The following GMIP variants were observed in gnomAD, a reference collection of about 807,000 sequenced individuals.
GMIP encodes the protein GEM interacting protein.
GMIP carries 54 observed loss-of-function variants against 105.3 expected under a neutral mutation model. The ratio of observed to expected loss-of-function variants is 0.51; its 90% CI spans 0.41 to 0.64. The LOEUF (loss-of-function observed/expected upper bound fraction) is 0.64. Among genes scored for constraint, GMIP ranks in the 30% least tolerant of loss-of-function variants. GMIP has a pLI of 0.00. For missense variants in GMIP, 1,110 were observed against 1,319.4 expected, an observed-to-expected ratio of 0.84 and a Z score of 2.46; for synonymous variants, 541 against 560.8, an observed-to-expected ratio of 0.96 and a Z score of 0.50.
In GMIP at chr19:19,638,497, G is replaced by A; in HGVS notation, c.538-15C>T. The A allele has an allele frequency of 6.2e-7, 1 of 1,610,972 alleles. No individual in the cohort carries two copies. Among genetic ancestry groups the A allele is most frequent in the East Asian group, 2.2e-5 (1 of 44,810 alleles). On this transcript the variant is annotated splice_polypyrimidine_tract_variant and intron_variant, in intron 7 of 20. Transcript: ENST00000203556. ...GCGGCGAGGGGCTGGCAAGGGTTGGGGATGGGGATGGAGACGCTGCCTTAG... is the reference window on the plus strand; with the variant it reads ...GCGGCGAGGGGCTGGCAAGGGTTGGAGATGGGGATGGAGACGCTGCCTTAG...
chr19:19,633,643 C>T (rs7248200), intron 19 of GMIP, among the ~76,000 whole-genome samples, 160 bp downstream of exon 19: 74,236 of 151,970 alleles, frequency 0.49, 18,318 homozygotes, highest in African/African-American at 0.52. Flanking sequence ...CTGCCCACTG[C>T]TCATTCCTCA....
At chr19:19,638,520 T>C (rs772839571) in intron 7 of GMIP, 38 bp from the exon 8 acceptor site, 2 of 1,564,650 alleles carry the variant, frequency 1.3e-6, no homozygotes, top group Admixed American at 1.7e-5. Flanking sequence ...GACGCTGCCT[T>C]AGGGCCAACC....
rs573265876 is a variant in GMIP, at chr19:19,635,404, C to G, written c.1560+11G>C. 5.0e-6 allele frequency: 8 copies of G among 1,607,470 alleles called. No homozygotes were observed. In the East Asian group the frequency reaches 1.3e-4, roughly 27 times the overall value. ...CAGCAAAGGTCATTTGGTCATTAAC[C>G]CAGGCCACACCTCCTCACACTCCGT... is the stretch of plus-strand genomic sequence containing the variant. On this transcript the variant is annotated intron_variant, in intron 15 of 20. Transcript: ENST00000203556. This position sits in a 1 kb window ranked among gnomAD's most constrained non-coding sequence, Gnocchi z 4.7.
Position 19,634,289 on chromosome 19 carries a change from C to A in GMIP, c.2085-99G>T. On this transcript the variant is annotated intron_variant, in intron 18 of 20. Transcript: ENST00000203556. The surrounding 1 kb of genome is among the most constrained non-coding windows in gnomAD (Gnocchi z 6.1). ...GCAGGCCAGCCTAGAGGTGACTTGCCCATGTCACAGGTGTAAGTCGTCTGA... is the reference window on the plus strand; with the variant it reads ...GCAGGCCAGCCTAGAGGTGACTTGCACATGTCACAGGTGTAAGTCGTCTGA... The A allele has an allele frequency of 7.7e-7, 1 of 1,298,780 alleles. No homozygotes were observed. Among genetic ancestry groups the A allele is most frequent in the South Asian group, 1.5e-5 (1 of 68,698 alleles). The allele number at this position is 1,298,780 out of a possible 1,614,324, so 80.5% of individuals were successfully genotyped here.
At position 19,636,709 on chromosome 19, in the gene GMIP, G is replaced by A. The variant is rs749668162; in HGVS notation, c.1325C>T (p.Pro442Leu). 6.2e-7 allele frequency: 1 copy of A among 1,610,550 alleles called. No individual in the cohort carries two copies. The highest frequency in any genetic ancestry group is 1.1e-5 in the South Asian group (1 of 91,000). ...TCAGGACCAGGTCCTATCCCTACCT[G>A]GGCTGGAAGTGGGTGAGTCCAGGGA... ...SRSLDSPTSS[P>L]GAGTRQLVKA... Residue 442 changes from proline to leucine, a missense_variant and splice_region_variant, in exon 13 of 21, where the codon CCA becomes CTA. Pro to Leu is a moderately conservative substitution (Grantham distance 98, BLOSUM62 -3). Coordinates refer to ENST00000203556, the MANE Select transcript of GMIP (RefSeq NM_016573.4).
Position 19,635,180 on chromosome 19 carries a change from T to C in GMIP, c.1594A>G (p.Thr532Ala). Residue 532 changes from threonine (T) to alanine (A), a missense_variant, in exon 16 of 21, where the codon ACT becomes GCT. Physicochemically the swap from Thr to Ala is moderately conservative, Grantham distance 58 (BLOSUM62 0). Coordinates refer to ENST00000203556, the MANE Select transcript of GMIP (RefSeq NM_016573.4). This position sits in a 1 kb window ranked among gnomAD's most constrained non-coding sequence, Gnocchi z 4.7. ...FLTCHKRCLE[T>A]LLILCGHRRL... ...CTGTGTCCACAGAGGATCAGGAGAG[T>C]CTCCAGGCAGCGCTTGTGGCAGGTC... The C allele has an allele frequency of 1.2e-6, 2 of 1,612,894 alleles. No individual in the cohort carries two copies. The highest frequency in any genetic ancestry group is 1.7e-6 in the Non-Finnish European group (2 of 1,179,592).
chr19:19,635,767 C>T lies in GMIP; in HGVS notation c.1328-46G>A. On this transcript the variant is annotated intron_variant, in intron 13 of 20. Transcript: ENST00000203556. The surrounding 1 kb of genome is among the most constrained non-coding windows in gnomAD (Gnocchi z 4.7). ...GGAGATTCCTGGGCTATGGGAGGCA[C>T]TCCTGGTTTTTAGGGCTTCCAGAAC... 2 of 1,537,366 alleles carry T rather than the reference C, an allele frequency of 1.3e-6. No individual in the cohort carries two copies. Among genetic ancestry groups the T allele is most frequent in the Non-Finnish European group, 1.8e-6 (2 of 1,111,176 alleles).
In GMIP at chr19:19,638,032, T is replaced by C. The variant is rs1252953908; in HGVS notation, c.815A>G (p.Gln272Arg). Reference sequence around the variant, plus strand: ...CGCGTTGGCCTCGCGGACACAGGCCTGGTACAGCGCCTCGGCCTCCTGCGC... The same window carrying C: ...CGCGTTGGCCTCGCGGACACAGGCCCGGTACAGCGCCTCGGCCTCCTGCGC... ...AKAQEAEALY[Q>R]ACVREANARQ... The change falls in exon 10 of 21, where the codon CAG becomes CGG. Residue 272 changes from glutamine (Q) to arginine (R), a missense_variant. Transcript: ENST00000203556. 1.3e-6 allele frequency: 2 copies of C among 1,595,144 alleles called. No individual in the cohort carries two copies. Among genetic ancestry groups the C allele is most frequent in the Non-Finnish European group, 8.5e-7 (1 of 1,171,676 alleles).
In GMIP at chr19:19,637,581, G is replaced by A. The variant is rs1376563388; in HGVS notation, c.928-20C>T. On this transcript the variant is annotated intron_variant, in intron 10 of 20. Coordinates refer to ENST00000203556, the MANE Select transcript of GMIP (RefSeq NM_016573.4). The surrounding 1 kb of genome is among the most constrained non-coding windows in gnomAD (Gnocchi z 6.7). ...CGTCACCTGCCGGGTGGAGACAGCA[G>A]GTTGGGGAGGGGCGGAGCCTGGGAG... is the stretch of plus-strand genomic sequence containing the variant. The A allele has an allele frequency of 6.7e-7, 1 of 1,496,214 alleles. No individual in the cohort carries two copies. 92.7% of individuals were successfully genotyped at this position (1,496,214 alleles called of 1,614,324 possible).
At position 19,638,502 on chromosome 19, in the gene GMIP, G is replaced by A. The variant is rs1176762253; in HGVS notation, c.538-20C>T. On this transcript the variant is annotated intron_variant, in intron 7 of 20. Coordinates refer to ENST00000203556, the MANE Select transcript of GMIP (RefSeq NM_016573.4). ...GAGGGGCTGGCAAGGGTTGGGGATG[G>A]GGATGGAGACGCTGCCTTAGGGCCA... 6.2e-7 allele frequency: 1 copy of A among 1,609,676 alleles called. No individual in the cohort carries two copies. The highest frequency in any genetic ancestry group is 1.1e-5 in the South Asian group (1 of 90,764).
intron 19 of GMIP, among the ~76,000 whole-genome samples, chr19:19,632,234 C>T (rs1242469004): frequency 3.9e-5 from 6 of 152,072 alleles, no homozygotes; most frequent in African/African-American, 7.2e-5. Flanking sequence ...GTGGAGGTTA[C>T]GGTGAACAGA....
chr19:19,635,675 C>T lies in GMIP; in HGVS notation c.1374G>A (p.Glu458=). Residue 458 remains glutamate, a synonymous_variant, in exon 14 of 21, where the codon GAG becomes GAA. Coordinates refer to ENST00000203556, the MANE Select transcript of GMIP (RefSeq NM_016573.4). The surrounding 1 kb of genome is among the most constrained non-coding windows in gnomAD (Gnocchi z 4.7). ...CTCGCTCCTCAAAGTCATCTGAGGA[C>T]TCAGTGCCTGTGGACGAAGCCTTCA... ...QLVKASSTGT[E]SSDDFEERDP... 6 of 1,614,128 alleles carry T rather than the reference C, an allele frequency of 3.7e-6. No individual in the cohort carries two copies. Among genetic ancestry groups the T allele is most frequent in the Non-Finnish European group, 5.1e-6 (6 of 1,179,966 alleles).
Position 19,635,478 on chromosome 19 carries a change from C to G in GMIP, c.1497G>C (p.Leu499=). The G allele has an allele frequency of 6.2e-7, 1 of 1,610,852 alleles. No homozygotes were observed. Residue 499 remains leucine (L), a synonymous_variant, in exon 15 of 21, where the codon CTG becomes CTC. Transcript: ENST00000203556. The surrounding 1 kb of genome is among the most constrained non-coding windows in gnomAD (Gnocchi z 4.7). ...SAAQTHQLRR[L]RGPAKCRECE... Reference sequence around the variant, plus strand: ...ACTCGCGGCACTTGGCTGGGCCCCGCAGTCGCCGCAGCTGGTGGGTCTGAG... The same window carrying G: ...ACTCGCGGCACTTGGCTGGGCCCCGGAGTCGCCGCAGCTGGTGGGTCTGAG...
intron 19 of GMIP, among the ~76,000 whole-genome samples, chr19:19,633,577 G>A (rs914947259): frequency 3.3e-5 from 5 of 152,204 alleles, no homozygotes; most frequent in African/African-American, 1.2e-4. Context: ...TTGGAGGAAT[G>A]AATGATCACC....
In GMIP at chr19:19,638,217, G is replaced by C; in HGVS notation, c.731C>G (p.Pro244Arg). 6.3e-7 allele frequency: 1 copy of C among 1,598,272 alleles called. No homozygotes were observed. The highest frequency in any genetic ancestry group is 8.5e-7 in the Non-Finnish European group (1 of 1,178,300). ...SPEDSAPQASPGPSKQQERRR... is the reference protein window; with the variant it reads ...SPEDSAPQASRGPSKQQERRR... ...CCGCTCCTGCTGCTTGCTAGGTCCC[G>C]GCGAGGCCTGGGGGGCCGAGTCCTC... The change falls in exon 9 of 21, where the codon CCG (proline) becomes CGG (arginine). Residue 244 changes from proline to arginine, a missense_variant. Coordinates refer to ENST00000203556, the MANE Select transcript of GMIP (RefSeq NM_016573.4).
At chr19:19,642,669 C>A in intron 1 of GMIP, 50 bp from the exon 2 acceptor site, 1 of 861,390 alleles carries the variant, frequency 1.2e-6, no homozygotes, top group Admixed American at 1.9e-5. Flanking sequence ...TCCCTCCACC[C>A]ACGGCACCTC....
Position 19,643,649 on chromosome 19 carries a change from C to T in GMIP, c.-120G>A. 1 of 854,628 alleles carries T rather than the reference C, an allele frequency of 1.2e-6. No homozygotes were observed. The highest frequency in any genetic ancestry group is 1.7e-6 in the Non-Finnish European group (1 of 575,758). The allele number at this position is 854,628 out of a possible 1,614,324, so 52.9% of individuals were successfully genotyped here. A position where few individuals can be genotyped will look rare whatever the true frequency, so the allele number is the denominator to read the frequency against. On this transcript the variant is annotated 5_prime_UTR_variant, in exon 1 of 21. Coordinates refer to ENST00000203556, the MANE Select transcript of GMIP (RefSeq NM_016573.4). The stretch of plus-strand genomic sequence containing the variant: ...GCCGCCGCCTCGGTTCCGCGTCGCC[C>T]TGCCCAGCGGAGGCCACGCCCCCGC...
chr19:19,640,025 G>T, intron 7 of GMIP, 60 bp downstream of exon 7: 1 of 955,960 alleles, frequency 1.0e-6, no homozygotes, highest in Non-Finnish European at 1.7e-6. Context: ...AGGGGATCAG[G>T]CCTGAAGGAC....
Position 19,637,531 on chromosome 19 carries a change from C to G in GMIP, c.958G>C (p.Ala320Pro), listed in dbSNP as rs1319533574. 6.5e-7 allele frequency: 1 copy of G among 1,532,596 alleles called. No individual in the cohort carries two copies. The highest frequency in any genetic ancestry group is 8.8e-7 in the Non-Finnish European group (1 of 1,142,586). The allele number at this position is 1,532,596 out of a possible 1,614,324, so 94.9% of individuals were successfully genotyped here. A position where few individuals can be genotyped will look rare whatever the true frequency, so the allele number is the denominator to read the frequency against. ...GCGCGGGGGCCACGCTCTGCCTGCG[C>G]CCCCCGCAGCCCGAAGAGACTCAGC... ...VTLSLFGLRG[A>P]QAERGPRAFA... is the part of the protein sequence containing the mutation. The change falls in exon 11 of 21, where the codon GCG becomes CCG. Residue 320 changes from alanine to proline, a missense_variant. Coordinates refer to ENST00000203556, the MANE Select transcript of GMIP (RefSeq NM_016573.4). This position sits in a 1 kb window ranked among gnomAD's most constrained non-coding sequence, Gnocchi z 6.7.
Sources: allele counts gnomAD v4.1 joint callset (sites outside exome capture counted in the v4.1 genomes callset), GRCh38; gene constraint gnomAD v4.1.1; non-coding constraint Gnocchi (gnomAD v3.1); transcripts MANE v1.5; gene names NCBI Gene and HGNC (gene_info 2026-07-23, HGNC 2026-07-21).